Variants in DCUN1D2 observed in about 807,000 individuals in gnomAD.
The protein encoded by DCUN1D2 is DCN1-like protein 2.
Under a neutral mutation model 30.9 loss-of-function variants are expected in DCUN1D2, and 29 were observed. That is an observed-to-expected ratio of 0.94 (90% CI 0.70 to 1.28). The LOEUF is 1.28. Among genes scored for constraint, DCUN1D2 ranks in the 50% most tolerant of loss-of-function variants. DCUN1D2 has a pLI of 0.00. For synonymous variants in DCUN1D2, 121 were observed against 115.3 expected, an observed-to-expected ratio of 1.05 and a Z score of -0.32; for missense variants, 325 against 316.9, an observed-to-expected ratio of 1.03 and a Z score of -0.19.
chr13:113,460,323 T>A (rs2044298071), intron 5 of DCUN1D2, among the ~76,000 whole-genome samples: 1 of 152,046 alleles, frequency 6.6e-6, no homozygotes, highest in South Asian at 2.1e-4. Flanking sequence ...TGGTGTCAGG[T>A]GAAGGGAGGC....
rs2044956947 is a variant in DCUN1D2 at position 113,490,695 on chromosome 13, C to A, written c.-26G>T. On this transcript the variant is annotated 5_prime_UTR_variant, in exon 1 of 7. Transcript: ENST00000478244. The surrounding 1 kb of genome is among the most constrained non-coding windows in gnomAD (Gnocchi z 5.2). ...CTCCCCCGCGCCGCCCGCTTCTGGC[C>A]GGCCCCGGCCTTCTGCGCAGGCGCG... is the stretch of plus-strand genomic sequence containing the variant. 1.1e-5 allele frequency: 13 copies of A among 1,220,426 alleles called. No homozygotes were observed. The African/African-American group carries it at 1.6e-4, about 15-fold the overall frequency. The allele number at this position is 1,220,426 out of a possible 1,614,324, so 75.6% of individuals were successfully genotyped here.
chr13:113,467,130 GT>G, intron 4 of DCUN1D2, among the ~76,000 whole-genome samples: 1 of 151,968 alleles, frequency 6.6e-6, no homozygotes, highest in South Asian at 2.1e-4. Context: ...GTTAAACCTC[GT>G]TTTTTCCCCC....
rs552645330 is a variant in DCUN1D2, at chr13:113,457,990, C to G, written c.*39G>C. 2.5e-6 allele frequency: 4 copies of G among 1,569,218 alleles called. No individual in the cohort carries two copies. The highest frequency in any genetic ancestry group is 3.5e-6 in the Non-Finnish European group (4 of 1,139,334). ...CTGACTGCAATCTCCTTGCAGGATA[C>G]AAATCATTTCATAATCTTACTCCTG... On this transcript the variant is annotated 3_prime_UTR_variant, in exon 7 of 7. Transcript: ENST00000478244.
At chr13:113,485,101 A>AAATG (rs1438121971) in intron 1 of DCUN1D2, among the ~76,000 whole-genome samples, 7 of 151,522 alleles carry the variant, frequency 4.6e-5, no homozygotes, top group Non-Finnish European at 7.4e-5. Flanking sequence ...ATAAATAAAT[A>AAATG]AATAAATAAA....
At chr13:113,474,321 T>C in intron 3 of DCUN1D2, 67 bp from the exon 4 acceptor site, 2 of 1,583,624 alleles carry the variant, frequency 1.3e-6, no homozygotes, top group South Asian at 1.1e-5. Flanking sequence ...CCTTGTGCCC[T>C]GTGCAGGAAC....
intron 4 of DCUN1D2, among the ~76,000 whole-genome samples, chr13:113,468,377 A>G (rs117999058): frequency 6.6e-6 from 1 of 151,802 alleles, no homozygotes; most frequent in Non-Finnish European, 1.5e-5. Context: ...TGGCTGGGGG[A>G]GAGGGGAGTG....
chr13:113,484,735 T>C (rs1477854336), intron 1 of DCUN1D2, among the ~76,000 whole-genome samples: 4 of 152,162 alleles, frequency 2.6e-5, no homozygotes, highest in Admixed American at 2.0e-4. Flanking sequence ...AGCTGTACTA[T>C]ATATAGTATA....
intron 1 of DCUN1D2, among the ~76,000 whole-genome samples, chr13:113,487,037 T>C (rs924219875): frequency 6.6e-6 from 1 of 152,244 alleles, no homozygotes; most frequent in Admixed American, 6.5e-5. Context: ...TTCCTGAAAC[T>C]GAGCTTTTGA....
chr13:113,478,639 A>G (rs2044657198), intron 3 of DCUN1D2, among the ~76,000 whole-genome samples: 2 of 152,076 alleles, frequency 1.3e-5, no homozygotes, highest in Admixed American at 1.3e-4. Context: ...ACAAGCTTAC[A>G]TATATTGTAT....
At chr13:113,469,734 G>A (rs2044470606) in intron 4 of DCUN1D2, among the ~76,000 whole-genome samples, 1 of 148,176 alleles carries the variant, frequency 6.7e-6, no homozygotes, top group Non-Finnish European at 1.5e-5. Flanking sequence ...AGCACTTTGG[G>A]AAGCCGAGGT....
chr13:113,485,329 T>G (rs1218176507), intron 1 of DCUN1D2, among the ~76,000 whole-genome samples: 1 of 152,086 alleles, frequency 6.6e-6, no homozygotes, highest in Non-Finnish European at 1.5e-5. Context: ...TAACATAACT[T>G]AACAAAAGTA....
chr13:113,472,163 C>T (rs765891795), intron 4 of DCUN1D2, among the ~76,000 whole-genome samples: 3 of 152,114 alleles, frequency 2.0e-5, no homozygotes, highest in Non-Finnish European at 1.5e-5. Context: ...TATTCTAACG[C>T]TATCCTCACC....
chr13:113,468,065 A>G (rs34778753), intron 4 of DCUN1D2, among the ~76,000 whole-genome samples: 3 of 141,864 alleles, frequency 2.1e-5, no homozygotes, highest in Non-Finnish European at 3.0e-5. Flanking sequence ...AAAAAAAAAA[A>G]GAATTAAAAG....
At chr13:113,472,550 C>T (rs562513103) in intron 4 of DCUN1D2, among the ~76,000 whole-genome samples, 2 of 152,340 alleles carry the variant, frequency 1.3e-5, no homozygotes, top group South Asian at 4.1e-4. Flanking sequence ...AATAAACTGA[C>T]CCTCGGTCGA....
rs548177493 is a variant in DCUN1D2 at position 113,459,520 on chromosome 13, A to C, written c.604-112T>G. 6.8e-6 allele frequency: 4 copies of C among 591,840 alleles called. No individual in the cohort carries two copies. In the African/African-American group the frequency reaches 7.4e-5, roughly 11 times the overall value. 36.7% of individuals were successfully genotyped at this position (591,840 alleles called of 1,614,324 possible). A position where few individuals can be genotyped will look rare whatever the true frequency, so the allele number is the denominator to read the frequency against. On this transcript the variant is annotated intron_variant, in intron 5 of 6. Coordinates refer to ENST00000478244, the MANE Select transcript of DCUN1D2 (RefSeq NM_001014283.2). ...TTAATGTTCATTAATTTGATTAGGA[A>C]CAAGTACAATAAAATTGTTAAAAGT...
chr13:113,480,824 C>T (rs1280413197), intron 2 of DCUN1D2, 81 bp from the exon 3 acceptor site: 13 of 1,436,246 alleles, frequency 9.1e-6, no homozygotes, highest in Admixed American at 3.6e-5. Flanking sequence ...TCCTAGCATT[C>T]GATTATACTA....
At chr13:113,470,329 A>G (rs2044480431) in intron 4 of DCUN1D2, among the ~76,000 whole-genome samples, 1 of 152,236 alleles carries the variant, frequency 6.6e-6, no homozygotes, top group African/African-American at 2.4e-5. Flanking sequence ...ATGTCGCACA[A>G]GGATGAGACT....
At chr13:113,471,947 G>A (rs982342348) in intron 4 of DCUN1D2, among the ~76,000 whole-genome samples, 3 of 152,154 alleles carry the variant, frequency 2.0e-5, no homozygotes, top group Non-Finnish European at 4.4e-5. Context: ...CACCCACAAC[G>A]ACAGGGGAGG....
chr13:113,472,807 T>C (rs1215119190), intron 4 of DCUN1D2, among the ~76,000 whole-genome samples: 9 of 152,194 alleles, frequency 5.9e-5, no homozygotes, highest in Non-Finnish European at 1.5e-5. Context: ...ACACCGCTAC[T>C]GTCACCCAAG....
Sources: gnomAD v4.1 joint callset for allele counts (sites outside exome capture counted in the v4.1 genomes callset) on GRCh38, gnomAD v4.1.1 for gene constraint, Gnocchi (gnomAD v3.1) non-coding constraint, MANE v1.5 for transcripts, NCBI Gene and HGNC (gene_info 2026-07-23, HGNC 2026-07-21) for gene names.